TMEM135: variants seen among roughly 807,000 people sequenced by gnomAD.
The protein encoded by TMEM135 is transmembrane protein 135, also known as peroxisomal membrane protein 52.
A neutral mutation model predicts 60.3 loss-of-function variants in TMEM135; 30 were observed. That is an observed-to-expected ratio of 0.50 (90% confidence interval 0.37 to 0.68). The LOEUF (loss-of-function observed/expected upper bound fraction) is 0.68. TMEM135 is among the 30% of genes least tolerant of loss of function. The pLI is 0.00. For synonymous variants in TMEM135, 190 were observed against 186.7 expected, an observed-to-expected ratio of 1.02 and a Z score of -0.14; for missense variants, 468 against 548.8, an observed-to-expected ratio of 0.85 and a Z score of 1.47.
chr11:87,300,935 A>ACCATATT (rs140332739), intron 7 of TMEM135, among the ~76,000 whole-genome samples: 5,473 of 152,274 alleles, frequency 0.036, 93 homozygotes, highest in Admixed American at 0.046. Context: ...ATGAACAGTA[A>ACCATATT]ATGAAAGGTG....
chr11:87,311,301 TAATG>T (rs1297760452), intron 10 of TMEM135, among the ~76,000 whole-genome samples: 6 of 151,898 alleles, frequency 4.0e-5, no homozygotes, highest in African/African-American at 7.2e-5. Flanking sequence ...AAACTATAGA[TAATG>T]AATCACTTGT....
At chr11:87,273,345 G>T (rs1565151472) in intron 6 of TMEM135, among the ~76,000 whole-genome samples, 1 of 152,016 alleles carries the variant, frequency 6.6e-6, no homozygotes, top group Non-Finnish European at 1.5e-5. Flanking sequence ...TTTCTTTTCA[G>T]ACTTCTTGAC....
At chr11:87,313,038 T>A (rs939695383) in intron 10 of TMEM135, among the ~76,000 whole-genome samples, 1 of 151,870 alleles carries the variant, frequency 6.6e-6, no homozygotes, top group Non-Finnish European at 1.5e-5. Context: ...TTGTTTCACC[T>A]TCAGTTTTAA....
chr11:87,224,184 C>G (rs923046330), intron 5 of TMEM135, among the ~76,000 whole-genome samples: 5 of 152,128 alleles, frequency 3.3e-5, no homozygotes, highest in African/African-American at 1.2e-4. Flanking sequence ...ATTATATGTC[C>G]TACTTGTTGT....
At chr11:87,216,976 G>A (rs1940516188) in intron 5 of TMEM135, among the ~76,000 whole-genome samples, 1 of 152,100 alleles carries the variant, frequency 6.6e-6, no homozygotes, top group Non-Finnish European at 1.5e-5. Flanking sequence ...AAGGCTCTGA[G>A]TATATTGATG....
At chr11:87,167,112 G>T (rs1248480464) in intron 5 of TMEM135, among the ~76,000 whole-genome samples, 1 of 152,074 alleles carries the variant, frequency 6.6e-6, no homozygotes, top group Non-Finnish European at 1.5e-5. Flanking sequence ...CTCTTTGTCT[G>T]TTATCAATGT....
intron 2 of TMEM135, among the ~76,000 whole-genome samples, chr11:87,068,742 C>T (rs541492082): frequency 2.7e-5 from 4 of 147,298 alleles, no homozygotes; most frequent in Admixed American, 6.9e-5. Flanking sequence ...ACCCGGGAGG[C>T]GGAGCTTGCA....
At chr11:87,298,586 G>A (rs561686908) in intron 7 of TMEM135, among the ~76,000 whole-genome samples, 6 of 146,692 alleles carry the variant, frequency 4.1e-5, no homozygotes, top group African/African-American at 1.5e-4. Context: ...TCAGGAGTTA[G>A]AGACCAGCCT....
At chr11:87,249,591 C>T (rs1164933586) in intron 6 of TMEM135, among the ~76,000 whole-genome samples, 1 of 151,884 alleles carries the variant, frequency 6.6e-6, no homozygotes, top group Non-Finnish European at 1.5e-5. Context: ...ATTGTTATAA[C>T]TTTTCTCTTA....
chr11:87,290,028 A>T (rs565222108), intron 6 of TMEM135, among the ~76,000 whole-genome samples: 3 of 152,168 alleles, frequency 2.0e-5, no homozygotes, highest in East Asian at 1.9e-4. Flanking sequence ...CCTAGGATGT[A>T]TAGTTTGTAA....
intron 5 of TMEM135, among the ~76,000 whole-genome samples, chr11:87,172,489 A>G (rs1461580032): frequency 6.7e-6 from 1 of 149,958 alleles, no homozygotes; most frequent in African/African-American, 2.5e-5. Context: ...ATGATTTATT[A>G]GAATGGATTT....
chr11:87,216,831 A>T (rs1481644545), intron 5 of TMEM135, among the ~76,000 whole-genome samples: 2 of 152,220 alleles, frequency 1.3e-5, no homozygotes, highest in African/African-American at 2.4e-5. Flanking sequence ...CTTTAAAATG[A>T]TGCTTTAAAA....
intron 3 of TMEM135, among the ~76,000 whole-genome samples, chr11:87,079,951 C>T (rs1856953914): frequency 6.7e-6 from 1 of 149,940 alleles, no homozygotes; most frequent in Non-Finnish European, 1.5e-5. Context: ...AAGCGATTCT[C>T]CTGCCTCAGC....
intron 3 of TMEM135, among the ~76,000 whole-genome samples, chr11:87,075,995 C>G (rs1856863531): frequency 6.6e-6 from 1 of 152,210 alleles, no homozygotes; most frequent in African/African-American, 2.4e-5. Context: ...AGACTTGAAG[C>G]TAGCACAGCA....
chr11:87,272,051 CTTTT>C (rs773654603), intron 6 of TMEM135, among the ~76,000 whole-genome samples: 6 of 81,162 alleles, frequency 7.4e-5, no homozygotes, highest in Admixed American at 5.4e-4. Context: ...TTTTTCTTTT[CTTTT>C]TTTTTTTTTT....
intron 3 of TMEM135, among the ~76,000 whole-genome samples, chr11:87,075,797 C>T (rs1461741835): frequency 6.6e-6 from 1 of 152,120 alleles, no homozygotes; most frequent in African/African-American, 2.4e-5. Flanking sequence ...GTACGTACTG[C>T]CTTGGTGGTC....
At chr11:87,113,122 A>G (rs1320106333) in intron 4 of TMEM135, among the ~76,000 whole-genome samples, 1 of 152,110 alleles carries the variant, frequency 6.6e-6, no homozygotes, top group Non-Finnish European at 1.5e-5. Context: ...TTGTATCTCC[A>G]ATAGTGATTA....
chr11:87,303,451 T>A (rs1268296968), intron 8 of TMEM135, among the ~76,000 whole-genome samples: 2 of 152,208 alleles, frequency 1.3e-5, no homozygotes, highest in Non-Finnish European at 2.9e-5. Context: ...GGTCCTTTAA[T>A]AAATTAGAAA....
chr11:87,181,599 A>G (rs1436639435), intron 5 of TMEM135, among the ~76,000 whole-genome samples: 1 of 152,186 alleles, frequency 6.6e-6, no homozygotes, highest in Non-Finnish European at 1.5e-5. Flanking sequence ...GGAAGGGTTG[A>G]TTACAAAGAC....
Sources: allele counts gnomAD v4.1 joint callset (sites outside exome capture counted in the v4.1 genomes callset), GRCh38; gene constraint gnomAD v4.1.1; transcripts MANE v1.5; gene names NCBI Gene and HGNC (gene_info 2026-07-23, HGNC 2026-07-21).